ATP2B2: variants seen among roughly 807,000 people sequenced by gnomAD.
ATP2B2 encodes the protein ATPase plasma membrane Ca2+ transporting 2.
In ATP2B2, 15 loss-of-function variants were observed where a neutral mutation model predicts 120.0. The observed-to-expected ratio is 0.12, with a 90% confidence interval of 0.08 to 0.19. ATP2B2 has a LOEUF of 0.19. ATP2B2 is among the 10% of genes least tolerant of loss of function. The pLI is 1.00. For synonymous variants in ATP2B2, 694 were observed against 700.3 expected (o/e 0.99, Z 0.14); for missense variants, 1,045 against 1,719.8 (o/e 0.61, Z 6.94).
intron 1 of ATP2B2, among the ~76,000 whole-genome samples, chr3:10,676,164 A>G (rs2071237402): frequency 6.6e-6 from 1 of 152,156 alleles, no homozygotes; most frequent in South Asian, 2.1e-4. Flanking sequence ...AAGGAAGGAG[A>G]GAGGTAAAGA....
At chr3:10,359,336 T>G (rs1428670543) in intron 13 of ATP2B2, among the ~76,000 whole-genome samples, 1 of 152,122 alleles carries the variant, frequency 6.6e-6, no homozygotes, top group African/African-American at 2.4e-5. Context: ...ATCAATGTTT[T>G]TTTAAACACT....
Position 10,360,170 on chromosome 3 carries a change from G to A in ATP2B2, c.1660-47C>T, listed in dbSNP as rs376083486. The stretch of plus-strand genomic sequence containing the variant: ...GCTGGCACCTGGTGGGGCCTGTGTC[G>A]GGAGCCTCTGCCCTGGCTGCCACTG... On this transcript the variant is annotated intron_variant, in intron 12 of 22. Transcript: ENST00000360273. 1.5e-4 allele frequency: 230 copies of A among 1,541,886 alleles called. No individual in the cohort carries two copies. In the African/African-American group the frequency reaches 1.9e-3, roughly 13 times the overall value.
intron 1 of ATP2B2, among the ~76,000 whole-genome samples, chr3:10,694,959 T>A (rs1456475068): frequency 2.0e-5 from 3 of 151,970 alleles, no homozygotes; most frequent in Non-Finnish European, 4.4e-5. Context: ...ATTTCCAGTG[T>A]GATGTTGTGG....
rs777396418 is a variant in ATP2B2, at chr3:10,371,841, C to A, written c.1627G>T (p.Ala543Ser). Reference sequence around the variant, plus strand: ...TTGGTGGTGTAGGCGCTGTTGATGGCGATGGCATTGATCAGCAGCTCCATG... The same window carrying A: ...TTGGTGGTGTAGGCGCTGTTGATGGAGATGGCATTGATCAGCAGCTCCATG... ...KTMELLINAIAINSAYTTKIL... is the reference protein window; with the variant it reads ...KTMELLINAISINSAYTTKIL... Residue 543 changes from alanine to serine, a missense_variant, in exon 12 of 23, where the codon GCC (alanine) becomes TCC (serine). By Grantham distance (99) the Ala-to-Ser change is moderately conservative. This residue lies in a region of ATP2B2 where 343 missense variants were observed against 536.8 expected (regional missense o/e 0.64). Coordinates refer to ENST00000360273, the MANE Select transcript of ATP2B2 (RefSeq NM_001001331.4). The A allele has an allele frequency of 1.9e-6, 3 of 1,614,072 alleles. No individual in the cohort carries two copies. The highest frequency in any genetic ancestry group is 1.7e-5 in the Admixed American group (1 of 60,016).
intron 2 of ATP2B2, among the ~76,000 whole-genome samples, chr3:10,442,394 C>T (rs1341487099): frequency 2.0e-5 from 3 of 152,316 alleles, no homozygotes; most frequent in South Asian, 4.1e-4. Context: ...CTATCTGTCC[C>T]GTGCTCTCCC....
At chr3:10,495,571 G>C (rs2066113727) in intron 1 of ATP2B2, among the ~76,000 whole-genome samples, 1 of 152,232 alleles carries the variant, frequency 6.6e-6, no homozygotes, top group Admixed American at 6.5e-5. Flanking sequence ...GCCCACTGTA[G>C]ACGTTCCCAG....
At chr3:10,466,647 C>T (rs1180600638) in intron 1 of ATP2B2, among the ~76,000 whole-genome samples, 1 of 152,114 alleles carries the variant, frequency 6.6e-6, no homozygotes, top group African/African-American at 2.4e-5. Context: ...GCAGGGTGGC[C>T]CCTGAACCCC....
intron 2 of ATP2B2, among the ~76,000 whole-genome samples, chr3:10,443,004 C>G (rs1238853543): frequency 2.0e-5 from 3 of 152,180 alleles, no homozygotes; most frequent in African/African-American, 7.2e-5. Context: ...ACCATGATAC[C>G]AAGTTGGCCT....
At chr3:10,619,923 C>T (rs1260275186) in exon 2 of ATP2B2, 2 of 152,160 alleles carry the variant, frequency 1.3e-5, no homozygotes, top group Non-Finnish European at 2.9e-5. Flanking sequence ...TCACCGTCTG[C>T]TTGGGGGTTC....
intron 1 of ATP2B2, among the ~76,000 whole-genome samples, chr3:10,636,423 T>A (rs2070023633): frequency 1.3e-5 from 2 of 152,176 alleles, no homozygotes; most frequent in African/African-American, 4.8e-5. Context: ...GGGGGCTGGA[T>A]GTCTAAGACC....
At chr3:10,705,868 G>C (rs1211568739) in intron 1 of ATP2B2, among the ~76,000 whole-genome samples, 1 of 152,146 alleles carries the variant, frequency 6.6e-6, no homozygotes, top group Non-Finnish European at 1.5e-5. Context: ...TGTGGTCCTG[G>C]TATTTTTATT....
chr3:10,456,697 G>T (rs920917860), intron 1 of ATP2B2, among the ~76,000 whole-genome samples: 9 of 152,210 alleles, frequency 5.9e-5, no homozygotes, highest in Non-Finnish European at 1.0e-4. Context: ...CAGGCTCCTT[G>T]TCACCTCTCA....
chr3:10,451,918 G>A (rs748284714), intron 1 of ATP2B2, among the ~76,000 whole-genome samples: 1 of 152,200 alleles, frequency 6.6e-6, no homozygotes, highest in African/African-American at 2.4e-5. Context: ...TATGTACCAG[G>A]CACTGTGGGA....
At chr3:10,440,325 CTG>C (rs1468546741) in intron 2 of ATP2B2, among the ~76,000 whole-genome samples, 2 of 152,126 alleles carry the variant, frequency 1.3e-5, no homozygotes, top group Non-Finnish European at 2.9e-5. Context: ...CTGGAGAAGG[CTG>C]TACTCAGGGC....
At chr3:10,463,862 C>A (rs1160766663) in intron 1 of ATP2B2, among the ~76,000 whole-genome samples, 1 of 152,256 alleles carries the variant, frequency 6.6e-6, no homozygotes, top group African/African-American at 2.4e-5. Flanking sequence ...AGGGCCAGGA[C>A]ACTCTGATCT....
intron 2 of ATP2B2, among the ~76,000 whole-genome samples, chr3:10,608,723 C>G (rs970348691): frequency 3.9e-5 from 6 of 152,204 alleles, no homozygotes; most frequent in Non-Finnish European, 5.9e-5. Flanking sequence ...TCTCCAGCAC[C>G]CTGAGGCCCC....
chr3:10,465,376 C>T (rs1411816684), intron 1 of ATP2B2, among the ~76,000 whole-genome samples: 1 of 152,258 alleles, frequency 6.6e-6, no homozygotes, highest in Admixed American at 6.5e-5. Context: ...CTCTGAAGCC[C>T]TGGGTCTGAT....
intron 2 of ATP2B2, among the ~76,000 whole-genome samples, chr3:10,595,784 G>A (rs1428519951): frequency 1.3e-5 from 2 of 151,992 alleles, no homozygotes; most frequent in South Asian, 2.1e-4. Flanking sequence ...TTTGTTAATC[G>A]ACACAAATGA....
intron 2 of ATP2B2, among the ~76,000 whole-genome samples, chr3:10,571,925 C>A (rs1161982011): frequency 1.3e-5 from 2 of 152,184 alleles, no homozygotes; most frequent in Admixed American, 1.3e-4. Flanking sequence ...AAATTCATGT[C>A]TTTTGCTAAG....
Sources: gnomAD v4.1 joint callset for allele counts (sites outside exome capture counted in the v4.1 genomes callset) on GRCh38, gnomAD v4.1.1 for gene constraint, gnomAD v4.1.1 regional missense constraint, MANE v1.5 for transcripts, NCBI Gene and HGNC (gene_info 2026-07-23, HGNC 2026-07-21) for gene names.